Variants in IL18RAP observed in about 807,000 individuals in gnomAD.
IL18RAP encodes interleukin-18 receptor accessory protein.
Under a neutral mutation model 58.1 loss-of-function variants are expected in IL18RAP, and 37 were observed. The observed-to-expected ratio is 0.64, with a 90% CI of 0.49 to 0.84. IL18RAP has a LOEUF of 0.84. Among genes scored for constraint, IL18RAP ranks in the 40% least tolerant of loss-of-function variants. The pLI is 0.00. For missense variants in IL18RAP, 667 were observed against 704.8 expected, an observed-to-expected ratio of 0.95 and a Z score of 0.61; for synonymous variants, 268 against 257.5, an observed-to-expected ratio of 1.04 and a Z score of -0.39.
rs1257245737 is a variant in IL18RAP at position 102,423,919 on chromosome 2, A to G, written c.179A>G (p.Asn60Ser). ...EPQKSHFCHR[N>S]RLSPKQVPEH... ...CAGAAATCACATTTCTGCCACAGAA[A>G]TCGACTCTCACCAAAACAAGTCCCT... The change falls in exon 2 of 10, where the codon AAT becomes AGT. Residue 60 changes from asparagine to serine, a missense_variant. Coordinates refer to ENST00000687160, the MANE Select transcript of IL18RAP (RefSeq NM_001393487.1). The G allele has an allele frequency of 6.2e-7, 1 of 1,613,970 alleles. No individual in the cohort carries two copies. Among genetic ancestry groups the G allele is most frequent in the Non-Finnish European group, 8.5e-7 (1 of 1,179,930 alleles).
At chr2:102,422,542 T>C (rs1681641137), upstream of IL18RAP, among the ~76,000 whole-genome samples, 1 of 152,124 alleles carries the variant, frequency 6.6e-6, no homozygotes, top group South Asian at 2.1e-4. Flanking sequence ...CCCCAAGATA[T>C]TTCAAGTAAG....
At chr2:102,439,358 T>C (rs1165609277) in intron 4 of IL18RAP, 1 of 152,184 alleles carries the variant, frequency 6.6e-6, no homozygotes, top group African/African-American at 2.4e-5. Context: ...GTGGATGACT[T>C]TGGAAATGTT....
At chr2:102,426,768 A>G (rs1226179550) in intron 3 of IL18RAP, among the ~76,000 whole-genome samples, 1 of 152,148 alleles carries the variant, frequency 6.6e-6, no homozygotes, top group African/African-American at 2.4e-5. Flanking sequence ...GACATTTGAA[A>G]CTTACTCTCT....
rs1681695246 is a variant in IL18RAP at position 102,423,308 on chromosome 2, C to T, written c.31C>T (p.Leu11Phe). 6.2e-7 allele frequency: 1 copy of T among 1,613,944 alleles called. No homozygotes were observed. The highest frequency in any genetic ancestry group is 1.3e-5 in the African/African-American group (1 of 74,894). The change falls in exon 1 of 10, where the codon CTT (leucine) becomes TTT (phenylalanine). Residue 11 changes from leucine (L) to phenylalanine (F), a missense_variant. By Grantham distance (22) the Leu-to-Phe change is conservative. Transcript: ENST00000687160. ...CTGTTTGGGCTGGATATTTCTTTGG[C>T]TTGTTGCAGGAGAGCGAATTAAAGG... MLCLGWIFLW[L>F]VAGERIKGFN...
At chr2:102,441,212 C>T (rs1573292051) in intron 4 of IL18RAP, 100 bp from the exon 5 acceptor site, 1 of 850,694 alleles carries the variant, frequency 1.2e-6, no homozygotes, top group Non-Finnish European at 1.9e-6. Context: ...GACAGAGCTC[C>T]AAGACATTTA....
chr2:102,443,755 C>CA (rs374908351), intron 6 of IL18RAP, among the ~76,000 whole-genome samples: 280 of 152,164 alleles, frequency 1.8e-3, no homozygotes, highest in African/African-American at 6.6e-3. Context: ...ATAAGTCTGA[C>CA]AAAAAATATG....
In IL18RAP at chr2:102,424,064, A is replaced by G. The variant is rs1392218512; in HGVS notation, c.324A>G (p.Lys108=). The change falls in exon 2 of 10, where the codon AAA becomes AAG. Residue 108 remains lysine (K), a synonymous_variant. Transcript: ENST00000687160. ...GCTATCCTCACATCATTCAGGACAA[A>G]TGTACCCTTCACTTTTTGACCCCAG... The part of the protein sequence containing the change: ...RKSYPHIIQD[K]CTLHFLTPGV... 1.9e-6 allele frequency: 3 copies of G among 1,614,108 alleles called. No individual in the cohort carries two copies. In the Admixed American group the frequency reaches 5.0e-5, roughly 27 times the overall value.
In IL18RAP at chr2:102,452,048, G is replaced by T. The variant is rs762379321; in HGVS notation, c.1667G>T (p.Arg556Leu). The T allele has an allele frequency of 3.1e-6, 5 of 1,614,058 alleles. No homozygotes were observed. Among genetic ancestry groups the T allele is most frequent in the Non-Finnish European group, 4.2e-6 (5 of 1,180,032 alleles). ...AATTCTAGGTTCTGGGCCAAAATGC[G>T]CTACCACATGCCTGTGAAAAACTCT... ...PPNSRFWAKM[R>L]YHMPVKNSQG... The change falls in exon 10 of 10, where the codon CGC becomes CTC. Residue 556 changes from arginine to leucine, a missense_variant. Arg to Leu is a moderately radical substitution (Grantham distance 102). Transcript: ENST00000687160.
chr2:102,446,404 C>T (rs374078710), intron 7 of IL18RAP, among the ~76,000 whole-genome samples: 3 of 152,064 alleles, frequency 2.0e-5, no homozygotes, highest in Non-Finnish European at 2.9e-5. Context: ...ACCCGTCACC[C>T]GAGCAGTGTA....
chr2:102,451,671 CCCTT>C, intron 9 of IL18RAP, 91 bp from the exon 10 acceptor site: 4 of 1,016,380 alleles, frequency 3.9e-6, no homozygotes, highest in Non-Finnish European at 5.9e-6. Context: ...AAACATGTCT[CCCTT>C]CCTCCTTATG....
chr2:102,436,757 G>A (rs573763707), intron 3 of IL18RAP, among the ~76,000 whole-genome samples: 12 of 151,342 alleles, frequency 7.9e-5, no homozygotes, highest in Admixed American at 1.3e-4. Flanking sequence ...GTTTATATAC[G>A]TAAATATATA....
chr2:102,445,466 C>A, intron 7 of IL18RAP, 126 bp downstream of exon 7: 2 of 1,004,778 alleles, frequency 2.0e-6, no homozygotes, highest in Non-Finnish European at 3.0e-6. Flanking sequence ...TTGTTTTAAG[C>A]ACTTTCCTGG....
At chr2:102,429,990 C>T (rs2104316465) in intron 3 of IL18RAP, among the ~76,000 whole-genome samples, 1 of 151,988 alleles carries the variant, frequency 6.6e-6, no homozygotes, top group East Asian at 1.9e-4. Context: ...TGAACGTATC[C>T]TTCCTGGAAA....
At chr2:102,446,029 A>G (rs1322734659) in intron 7 of IL18RAP, among the ~76,000 whole-genome samples, 1 of 152,194 alleles carries the variant, frequency 6.6e-6, no homozygotes, top group Non-Finnish European at 1.5e-5. Context: ...GTTTTCCCCC[A>G]TGGGAGTATG....
Position 102,423,695 on chromosome 2 carries a change from A to G in IL18RAP, c.71-116A>G, listed in dbSNP as rs149062947. ...TTCCCCTACAAAATAGACAGTGAAG[A>G]AGAAAGACACACAAGGAAGCTAGAT... On this transcript the variant is annotated intron_variant, in intron 1 of 9. Coordinates refer to ENST00000687160, the MANE Select transcript of IL18RAP (RefSeq NM_001393487.1). 1.1e-3 allele frequency: 882 copies of G among 781,404 alleles called. 1 individual carries two copies. Among genetic ancestry groups the G allele is most frequent in the Non-Finnish European group, 1.5e-3 (724 of 484,396 alleles). The allele number at this position is 781,404 out of a possible 1,614,324, so 48.4% of individuals were successfully genotyped here. A position where few individuals can be genotyped will look rare whatever the true frequency, so the allele number is the denominator to read the frequency against.
Position 102,452,088 on chromosome 2 carries a change from GAA to G in IL18RAP, c.1708_1709del (p.Asn570ProfsTer7). ...TGAAAAACTCTCAGGGATTCACGTG[GAA>G]CCAGCTCAGAATTACCTCTAGGATT... ...PVKNSQGFTW[N>X]QLRITSRIFQ... On this transcript the variant is annotated frameshift_variant, in exon 10 of 10. Coordinates refer to ENST00000687160, the MANE Select transcript of IL18RAP (RefSeq NM_001393487.1). LOFTEE classifies it low-confidence loss of function (END_TRUNC). 2 of 1,614,082 alleles carry G rather than the reference GAA, an allele frequency of 1.2e-6. No individual in the cohort carries two copies. The highest frequency in any genetic ancestry group is 1.7e-6 in the Non-Finnish European group (2 of 1,180,032).
intron 8 of IL18RAP, among the ~76,000 whole-genome samples, chr2:102,448,203 A>G (rs753986035): frequency 1.7e-4 from 26 of 152,314 alleles, no homozygotes; most frequent in African/African-American, 5.3e-4. Context: ...TGTGCCTACA[A>G]TTGAACTACT....
chr2:102,438,784 C>A (rs1682913224), intron 4 of IL18RAP: 1 of 152,232 alleles, frequency 6.6e-6, no homozygotes, highest in African/African-American at 2.4e-5. Flanking sequence ...GGAGCTAAGG[C>A]TACAAGAATG....
At chr2:102,443,450 C>A in intron 6 of IL18RAP, 127 bp downstream of exon 6, 67 of 1,021,462 alleles carry the variant, frequency 6.6e-5, no homozygotes, top group East Asian at 2.2e-4. Context: ...AATAAAAGCA[C>A]AAAAATGCAA....
Sources: allele counts gnomAD v4.1 joint callset (sites outside exome capture counted in the v4.1 genomes callset), GRCh38; gene constraint gnomAD v4.1.1; transcripts MANE v1.5; gene names NCBI Gene and HGNC (gene_info 2026-07-23, HGNC 2026-07-21).